The following ZNF682 variants were observed in gnomAD, a reference collection of about 807,000 sequenced individuals.
The protein encoded by ZNF682 is zinc finger protein 682.
Under a neutral mutation model 36.5 loss-of-function variants are expected in ZNF682, and 29 were observed. That is an observed-to-expected ratio of 0.80 (90% confidence interval 0.59 to 1.08). The LOEUF (loss-of-function observed/expected upper bound fraction) is 1.08, where lower values mean the gene tolerates loss of function less well. Among genes scored for constraint, ZNF682 ranks in the 50% least tolerant of loss-of-function variants. ZNF682 has a pLI of 0.00. For synonymous variants in ZNF682, 180 were observed against 197.0 expected (o/e 0.91, Z 0.72); for missense variants, 561 against 579.7 (o/e 0.97, Z 0.33).
Position 20,006,275 on chromosome 19 carries a change from G to C in ZNF682, c.1227C>G (p.Ser409=), listed in dbSNP as rs1446331446. 2 of 1,613,488 alleles carry C rather than the reference G, an allele frequency of 1.2e-6. No homozygotes were observed. The highest frequency in any genetic ancestry group is 2.7e-5 in the African/African-American group (2 of 74,908). The part of the protein sequence containing the change: ...CEECGKAFNW[S]SILTEHKRIH... The stretch of plus-strand genomic sequence containing the variant: ...TTCTCTTATGTTCAGTAAGGATTGA[G>C]GACCAGTTAAAAGCTTTGCCACATT... Residue 409 remains serine (S), a synonymous_variant, in exon 4 of 4, where the codon TCC becomes TCG. Coordinates refer to ENST00000397165, the MANE Select transcript of ZNF682 (RefSeq NM_033196.3).
rs2088562148 is a variant in ZNF682 at position 20,039,238 on chromosome 19, A to G, written c.3+105T>C. The stretch of plus-strand genomic sequence containing the variant: ...GCCTGCCGGGGACTCCAGTCCGCAG[A>G]CTCCGGAGCTGACAGCTGGGAGGCC... On this transcript the variant is annotated intron_variant, in intron 1 of 3. Transcript: ENST00000397165. The G allele has an allele frequency of 1.9e-6, 3 of 1,544,730 alleles. No homozygotes were observed. The Admixed American group carries it at 5.5e-5, about 28-fold the overall frequency.
chr19:20,008,515 T>G (rs1196807509), intron 3 of ZNF682, among the ~76,000 whole-genome samples: 1 of 152,220 alleles, frequency 6.6e-6, no homozygotes, highest in Non-Finnish European at 1.5e-5. Flanking sequence ...TTGCCCTGCC[T>G]GGTGTTCCAT....
At chr19:20,002,686 C>T (rs1380996230), downstream of ZNF682, among the ~76,000 whole-genome samples, 3 of 152,102 alleles carry the variant, frequency 2.0e-5, no homozygotes, top group African/African-American at 7.2e-5. Context: ...CCAATTGGAA[C>T]ACTAATTATG....
chr19:20,011,532 T>C (rs1285749379), intron 3 of ZNF682, among the ~76,000 whole-genome samples: 1 of 152,238 alleles, frequency 6.6e-6, no homozygotes, highest in Admixed American at 6.5e-5. Context: ...GAATATACTT[T>C]AAGATTGACC....
chr19:20,023,165 G>T, intron 2 of ZNF682, 66 bp from the exon 3 acceptor site: 23 of 1,397,400 alleles, frequency 1.6e-5, no homozygotes, highest in Non-Finnish European at 2.2e-5. Flanking sequence ...CTAGTGTTGT[G>T]CTCTGTAGAT....
At chr19:20,003,555 AT>A (rs1481643390), downstream of ZNF682, among the ~76,000 whole-genome samples, 1 of 151,864 alleles carries the variant, frequency 6.6e-6, no homozygotes, top group Non-Finnish European at 1.5e-5. Context: ...ATACAAAAAA[AT>A]TAGCTGGGCG....
chr19:20,022,215 A>T (rs2088391051), intron 3 of ZNF682, among the ~76,000 whole-genome samples: 1 of 151,714 alleles, frequency 6.6e-6, no homozygotes, highest in Admixed American at 6.6e-5. Flanking sequence ...AAGAAACTTC[A>T]TAAGAAATCA....
chr19:20,003,764 C>G (rs2088186927), downstream of ZNF682, among the ~76,000 whole-genome samples: 1 of 151,440 alleles, frequency 6.6e-6, no homozygotes, highest in Non-Finnish European at 1.5e-5. Flanking sequence ...CAAGTAAAAC[C>G]TAGATTTACT....
chr19:20,039,147 G>A, intron 1 of ZNF682, 196 bp downstream of exon 1: 3 of 1,394,740 alleles, frequency 2.2e-6, no homozygotes, highest in Non-Finnish European at 2.8e-6. Flanking sequence ...CGGGATGCCC[G>A]CCCAGGGTCC....
chr19:20,006,873 A>G lies in ZNF682; in HGVS notation c.629T>C (p.Phe210Ser), dbSNP rs1250675030. Residue 210 changes from phenylalanine to serine, a missense_variant, in exon 4 of 4, where the codon TTT (phenylalanine) becomes TCT (serine). Coordinates refer to ENST00000397165, the MANE Select transcript of ZNF682 (RefSeq NM_033196.3). ...TTTAGTAAGGTATGAGAACCACTTA[A>G]AGGTTTTGCCACATTCCTCACATAT... ...LCICEECGKTFKWFSYLTKHK... is the reference protein window; with the variant it reads ...LCICEECGKTSKWFSYLTKHK... The G allele has an allele frequency of 6.2e-7, 1 of 1,613,920 alleles. No individual in the cohort carries two copies. The highest frequency in any genetic ancestry group is 2.2e-5 in the East Asian group (1 of 44,876).
At position 20,006,258 on chromosome 19, in the gene ZNF682, T is replaced by C. The variant is rs2088217235; in HGVS notation, c.1244A>G (p.His415Arg). 6.2e-7 allele frequency: 1 copy of C among 1,613,832 alleles called. No individual in the cohort carries two copies. The highest frequency in any genetic ancestry group is 8.5e-7 in the Non-Finnish European group (1 of 1,179,972). ...AFNWSSILTE[H>R]KRIHTGEKPY... ...TTTCTCTCCAGTATGAATTCTCTTA[T>C]GTTCAGTAAGGATTGAGGACCAGTT... The change falls in exon 4 of 4, where the codon CAT becomes CGT. Residue 415 changes from histidine (H) to arginine (R), a missense_variant. Physicochemically the swap from His to Arg is conservative, Grantham distance 29. Coordinates refer to ENST00000397165, the MANE Select transcript of ZNF682 (RefSeq NM_033196.3).
At position 20,005,800 on chromosome 19, in the gene ZNF682, A is replaced by G. The variant is rs1391148494; in HGVS notation, c.*205T>C. ...TAGTAGTTATTAAATGCTTTGCCAC[A>G]TTCTTTAAAATCAGAATTTTTCTCA... On this transcript the variant is annotated 3_prime_UTR_variant, in exon 4 of 4. Transcript: ENST00000397165. 3.4e-6 allele frequency: 2 copies of G among 586,724 alleles called. No individual in the cohort carries two copies. The highest frequency in any genetic ancestry group is 5.8e-6 in the Non-Finnish European group (2 of 342,944). 36.3% of individuals were successfully genotyped at this position (586,724 alleles called of 1,614,324 possible). A position where few individuals can be genotyped will look rare whatever the true frequency, so the allele number is the denominator to read the frequency against.
chr19:20,013,792 C>G (rs1364166977), intron 3 of ZNF682, among the ~76,000 whole-genome samples: 2 of 152,162 alleles, frequency 1.3e-5, no homozygotes, highest in Admixed American at 6.5e-5. Flanking sequence ...GTTGGTCAGG[C>G]TGGTCTCAAA....
chr19:20,035,391 A>G (rs1471012848), intron 1 of ZNF682, among the ~76,000 whole-genome samples: 1 of 151,602 alleles, frequency 6.6e-6, no homozygotes, highest in Admixed American at 6.6e-5. Flanking sequence ...ACGCCAAGCA[A>G]ATTTTTGTAT....
intron 3 of ZNF682, among the ~76,000 whole-genome samples, chr19:20,010,249 G>C (rs2088271890): frequency 6.6e-6 from 1 of 152,112 alleles, no homozygotes. Flanking sequence ...TAAGTACATA[G>C]CCCACAGACC....
chr19:20,021,748 C>G (rs1416984524), intron 3 of ZNF682, among the ~76,000 whole-genome samples: 1 of 151,970 alleles, frequency 6.6e-6, no homozygotes, highest in Non-Finnish European at 1.5e-5. Flanking sequence ...GTTTAAATTA[C>G]CAATTTTAGT....
chr19:20,007,290 TAAC>T lies in ZNF682; in HGVS notation c.227-18_227-16del. 1 of 1,577,188 alleles carries T rather than the reference TAAC, an allele frequency of 6.3e-7. No individual in the cohort carries two copies. Among genetic ancestry groups the T allele is most frequent in the Non-Finnish European group, 8.6e-7 (1 of 1,162,284 alleles). On this transcript the variant is annotated splice_polypyrimidine_tract_variant and intron_variant, in intron 3 of 3. Coordinates refer to ENST00000397165, the MANE Select transcript of ZNF682 (RefSeq NM_033196.3). ...AGAAGACATAGCTGAAATATGAAAT[TAAC>T]AAAATATCCCACTTGTTATTTTCAG...
Position 20,023,153 on chromosome 19 carries a change from A to G in ZNF682, c.131-54T>C, listed in dbSNP as rs541007411. On this transcript the variant is annotated intron_variant, in intron 2 of 3. Coordinates refer to ENST00000397165, the MANE Select transcript of ZNF682 (RefSeq NM_033196.3). Reference sequence around the variant, plus strand: ...TCTTGCTGGGATTCTCCAATTACCAACCTAGTGTTGTGCTCTGTAGATAAG... The same window carrying G: ...TCTTGCTGGGATTCTCCAATTACCAGCCTAGTGTTGTGCTCTGTAGATAAG... 6 of 1,497,084 alleles carry G rather than the reference A, an allele frequency of 4.0e-6. No homozygotes were observed. The African/African-American group carries it at 4.1e-5, about 10-fold the overall frequency. 92.7% of individuals were successfully genotyped at this position (1,497,084 alleles called of 1,614,324 possible). A position where few individuals can be genotyped will look rare whatever the true frequency, so the allele number is the denominator to read the frequency against.
At chr19:20,037,072 A>T (rs1416356556) in intron 1 of ZNF682, among the ~76,000 whole-genome samples, 1 of 152,216 alleles carries the variant, frequency 6.6e-6, no homozygotes, top group African/African-American at 2.4e-5. Flanking sequence ...CCTCATTTTC[A>T]AGTGGGGGAA....
Sources: allele counts gnomAD v4.1 joint callset (sites outside exome capture counted in the v4.1 genomes callset), GRCh38; gene constraint gnomAD v4.1.1; transcripts MANE v1.5; gene names NCBI Gene and HGNC (gene_info 2026-07-23, HGNC 2026-07-21).